HTR1D: variants seen among roughly 807,000 people sequenced by gnomAD.
The protein encoded by HTR1D is 5-HT-1D.
Under a neutral mutation model 21.1 loss-of-function variants are expected in HTR1D, and 18 were observed. The observed-to-expected ratio is 0.85, with a 90% confidence interval of 0.59 to 1.27. The LOEUF is 1.27. Ranked by LOEUF, HTR1D falls within the 50% of genes most tolerant of loss-of-function variation. The pLI is 0.00. For missense variants in HTR1D, 456 were observed against 481.4 expected, an observed-to-expected ratio of 0.95 and a Z score of 0.49; for synonymous variants, 196 against 204.4, an observed-to-expected ratio of 0.96 and a Z score of 0.35.
At chr1:23,207,974 G>A (rs1464288086) in intron 1 of HTR1D, among the ~76,000 whole-genome samples, 1 of 152,046 alleles carries the variant, frequency 6.6e-6, no homozygotes, top group African/African-American at 2.4e-5. Context: ...TGTTGGTCAG[G>A]CTGGTCTCGA....
Position 23,210,824 on chromosome 1 carries a change from C to A in HTR1D, c.-783+6467G>T, listed in dbSNP as rs529455229. Among the ~76,000 whole-genome samples the A allele has an allele frequency of 2.4e-3, 363 of 152,148 alleles. 1 individual carries two copies. Among genetic ancestry groups the A allele is most frequent in the Non-Finnish European group, 3.1e-3 (212 of 67,996 alleles). ...TTGCAAGAAGCCTTTAGAACTGCAT[C>A]CCCCCTATACTGGAGCCCAACCTCT... On this transcript the variant is annotated intron_variant, in intron 1 of 1. Coordinates refer to ENST00000374619, the MANE Select transcript of HTR1D (RefSeq NM_000864.5).
chr1:23,204,372 G>A (rs1440558828), intron 1 of HTR1D, among the ~76,000 whole-genome samples: 2 of 152,106 alleles, frequency 1.3e-5, no homozygotes, highest in East Asian at 3.9e-4. Flanking sequence ...TGATCCACCC[G>A]CCTCGGCCTC....
chr1:23,215,701 C>T (rs569774138), intron 1 of HTR1D, among the ~76,000 whole-genome samples: 1 of 152,332 alleles, frequency 6.6e-6, no homozygotes, highest in African/African-American at 2.4e-5. Flanking sequence ...CTGACAAACT[C>T]TAAGGAAGCA....
At chr1:23,196,127 G>A (rs1345445478) in intron 1 of HTR1D, among the ~76,000 whole-genome samples, 3 of 151,862 alleles carry the variant, frequency 2.0e-5, no homozygotes, top group Admixed American at 6.6e-5. Context: ...AGGTGTGAGC[G>A]GCTTTAGCTT....
At chr1:23,197,021 C>A (rs777097117) in intron 1 of HTR1D, among the ~76,000 whole-genome samples, 75 of 152,138 alleles carry the variant, frequency 4.9e-4, no homozygotes, top group Non-Finnish European at 8.8e-4. Flanking sequence ...TTCTTCCCTG[C>A]AGACAGTCTG....
At chr1:23,211,612 TGTATGTATGTATGTA>T (rs1644753699) in intron 1 of HTR1D, among the ~76,000 whole-genome samples, 1 of 66,954 alleles carries the variant, frequency 1.5e-5, no homozygotes, top group African/African-American at 7.9e-5. Flanking sequence ...ATCCTTTTTA[TGTATGTATGTATGTA>T]TGTATGTATG....
At position 23,217,385 on chromosome 1, in the gene HTR1D, GC is replaced by G. The variant is rs1644780046; in HGVS notation, c.-878del. On this transcript the variant is annotated 5_prime_UTR_variant, in exon 1 of 2. Transcript: ENST00000374619. The surrounding 1 kb of genome is among the most constrained non-coding windows in gnomAD (Gnocchi z 4.6). ...CCGTCGCGGCCGCCTTGTCTCCGCC[GC>G]GACCCCCGCCGAACTCGGGGGCCGC... Among the ~76,000 whole-genome samples the G allele has an allele frequency of 6.6e-6, 1 of 151,564 alleles. No individual in the cohort carries two copies. The highest frequency in any genetic ancestry group is 2.4e-5 in the African/African-American group (1 of 41,284).
intron 1 of HTR1D, among the ~76,000 whole-genome samples, chr1:23,206,389 C>T (rs1644731031): frequency 6.6e-6 from 1 of 152,098 alleles, no homozygotes; most frequent in African/African-American, 2.4e-5. Context: ...CCTCCAGTGG[C>T]TCCCACTGCA....
rs1461351908 is a variant in HTR1D at position 23,217,382 on chromosome 1, G to C, written c.-874C>G. 6.6e-6 allele frequency among the ~76,000 whole-genome samples: 1 copy of C among 151,516 alleles called. No homozygotes were observed. The highest frequency in any genetic ancestry group is 2.0e-4 in the East Asian group (1 of 5,096). On this transcript the variant is annotated 5_prime_UTR_variant, in exon 1 of 2. Transcript: ENST00000374619. The surrounding 1 kb of genome is among the most constrained non-coding windows in gnomAD (Gnocchi z 4.6). ...TCCCCGTCGCGGCCGCCTTGTCTCCGCCGCGACCCCCGCCGAACTCGGGGG... is the reference window on the plus strand; with the variant it reads ...TCCCCGTCGCGGCCGCCTTGTCTCCCCCGCGACCCCCGCCGAACTCGGGGG...
Position 23,193,712 on chromosome 1 carries a change from A to G in HTR1D, c.508T>C (p.Ser170Pro), listed in dbSNP as rs1181787181. 1 of 1,613,892 alleles carries G rather than the reference A, an allele frequency of 6.2e-7. No individual in the cohort carries two copies. Among genetic ancestry groups the G allele is most frequent in the African/African-American group, 1.3e-5 (1 of 74,914 alleles). Residue 170 changes from serine (S) to proline (P), a missense_variant, in exon 2 of 2, where the codon TCC becomes CCC. Coordinates refer to ENST00000374619, the MANE Select transcript of HTR1D (RefSeq NM_000864.5). ...TGCCGCCAGAAGAGCGGGGGGATGG[A>G]GATGCAGATGGAGATGGCCCAGACA... Reference protein sequence around the residue: ...AIVWAISICISIPPLFWRQAK... With the variant: ...AIVWAISICIPIPPLFWRQAK...
chr1:23,214,816 G>C lies in HTR1D; in HGVS notation c.-783+2475C>G, dbSNP rs143700059. 4.2e-3 allele frequency among the ~76,000 whole-genome samples: 639 copies of C among 152,208 alleles called. 9 individuals are homozygous for C. Among genetic ancestry groups the C allele is most frequent in the African/African-American group, 0.015 (602 of 41,510 alleles). On this transcript the variant is annotated intron_variant, in intron 1 of 1. Coordinates refer to ENST00000374619, the MANE Select transcript of HTR1D (RefSeq NM_000864.5). ...TCCCCAGAGCCTAGAACAGTGCCTGGCTGAAAATAAATAGGTGGGTCAACA... is the reference window on the plus strand; with the variant it reads ...TCCCCAGAGCCTAGAACAGTGCCTGCCTGAAAATAAATAGGTGGGTCAACA...
At chr1:23,208,577 A>G (rs77973672) in intron 1 of HTR1D, among the ~76,000 whole-genome samples, 2 of 147,532 alleles carry the variant, frequency 1.4e-5, no homozygotes, top group African/African-American at 5.2e-5. Flanking sequence ...ATCTCAAAAG[A>G]AAAAAAAAAG....
rs1219201077 is a variant in HTR1D, at chr1:23,217,487, C to T, written c.-979G>A. ...ACCTGCCTCCGCCTCTCCCAGAGCC[C>T]TGCGGCTCCTTCTCCGCGCTCCCCT... On this transcript the variant is annotated 5_prime_UTR_variant, in exon 1 of 2. Coordinates refer to ENST00000374619, the MANE Select transcript of HTR1D (RefSeq NM_000864.5). This position sits in a 1 kb window ranked among gnomAD's most constrained non-coding sequence, Gnocchi z 4.6. Among the ~76,000 whole-genome samples, 1 of 152,064 alleles carries T rather than the reference C, an allele frequency of 6.6e-6. No individual in the cohort carries two copies. Among genetic ancestry groups the T allele is most frequent in the Non-Finnish European group, 1.5e-5 (1 of 67,974 alleles).
rs1644667727 is a variant in HTR1D, at chr1:23,193,296, C to T, written c.924G>A (p.Gly308=). 2 of 1,613,946 alleles carry T rather than the reference C, an allele frequency of 1.2e-6. No homozygotes were observed. The highest frequency in any genetic ancestry group is 2.2e-5 in the South Asian group (2 of 91,086). The stretch of plus-strand genomic sequence containing the variant: ...AGGGCAGCCAGCAGATGATAAAGGC[C>T]CCCAGAATGATGCCCAGGATTTTAG... ...KATKILGIIL[G]AFIICWLPFF... Residue 308 remains glycine, a synonymous_variant, in exon 2 of 2, where the codon GGG becomes GGA. Coordinates refer to ENST00000374619, the MANE Select transcript of HTR1D (RefSeq NM_000864.5).
chr1:23,204,347 G>A (rs1027369068), intron 1 of HTR1D, among the ~76,000 whole-genome samples: 9 of 152,228 alleles, frequency 5.9e-5, no homozygotes, highest in Non-Finnish European at 1.0e-4. Flanking sequence ...GGATGGTCTC[G>A]ATCTCCTGAC....
chr1:23,213,489 C>CAAAACAAAACAA (rs774844736), intron 1 of HTR1D, among the ~76,000 whole-genome samples: 3 of 152,004 alleles, frequency 2.0e-5, no homozygotes, highest in Non-Finnish European at 2.9e-5. Flanking sequence ...AAAAACAAAA[C>CAAAACAAAACAA]AAAACAAAAA....
At chr1:23,212,769 C>A (rs1644758644) in intron 1 of HTR1D, among the ~76,000 whole-genome samples, 4 of 152,004 alleles carry the variant, frequency 2.6e-5, no homozygotes, top group Admixed American at 1.3e-4. Flanking sequence ...TCCTTTATGT[C>A]CCACAGGGGC....
At chr1:23,211,698 G>T (rs1053541864) in intron 1 of HTR1D, among the ~76,000 whole-genome samples, 1 of 151,966 alleles carries the variant, frequency 6.6e-6, no homozygotes. Flanking sequence ...CACTCTCTCT[G>T]TTGCCTAGGC....
chr1:23,196,893 GATGACC>G (rs1231400484), intron 1 of HTR1D, among the ~76,000 whole-genome samples: 2 of 152,172 alleles, frequency 1.3e-5, no homozygotes, highest in Non-Finnish European at 2.9e-5. Flanking sequence ...TAGCTGGTGT[GATGACC>G]CCCTCCTGCC....
Sources: allele counts gnomAD v4.1 joint callset (sites outside exome capture counted in the v4.1 genomes callset), GRCh38; gene constraint gnomAD v4.1.1; non-coding constraint Gnocchi (gnomAD v3.1); transcripts MANE v1.5; gene names NCBI Gene and HGNC (gene_info 2026-07-23, HGNC 2026-07-21).